WAC: variants seen among roughly 807,000 people sequenced by gnomAD.
WAC encodes WW domain containing adaptor with coiled-coil.
WAC carries 11 observed loss-of-function variants against 79.6 expected under a neutral mutation model. The observed-to-expected ratio is 0.14, with a 90% confidence interval of 0.09 to 0.23. WAC has a LOEUF of 0.23. Ranked by LOEUF, WAC falls within the 10% of genes least tolerant of loss-of-function variation. The probability of loss-of-function intolerance (pLI) is 1.00; values close to 1 mark genes in which losing one functional copy is unlikely to be tolerated. For synonymous variants in WAC, 304 were observed against 276.9 expected, an observed-to-expected ratio of 1.10 and a Z score of -0.97; for missense variants, 728 against 773.5, an observed-to-expected ratio of 0.94 and a Z score of 0.70.
At position 28,609,003 on chromosome 10, in the gene WAC, TAGTC is replaced by T. The variant is rs1477199907; in HGVS notation, c.1165+575_1165+578del. On this transcript the variant is annotated intron_variant, in intron 8 of 13. Transcript: ENST00000354911. Reference sequence around the variant, plus strand: ...AATGCTACTTACGTTTCAGAATATTTAGTCAGCCACTTTGAAAAAGTATGAATAA... The same window carrying T: ...AATGCTACTTACGTTTCAGAATATTTAGCCACTTTGAAAAAGTATGAATAA... Among the ~76,000 whole-genome samples, 8 of 152,336 alleles carry T rather than the reference TAGTC, an allele frequency of 5.3e-5. No homozygotes were observed. The East Asian group carries it at 5.8e-4, about 11-fold the overall frequency.
At chr10:28,553,118 T>C (rs2132435986) in intron 3 of WAC, among the ~76,000 whole-genome samples, 1 of 152,294 alleles carries the variant, frequency 6.6e-6, no homozygotes, top group South Asian at 2.1e-4. Context: ...TTCATCAGTA[T>C]ATAGAGAAGG....
At chr10:28,569,878 A>G (rs1054525812) in intron 3 of WAC, among the ~76,000 whole-genome samples, 2 of 152,206 alleles carry the variant, frequency 1.3e-5, no homozygotes, top group African/African-American at 4.8e-5. Flanking sequence ...GTGTGGCAAT[A>G]TGTACTTTCC....
chr10:28,602,792 G>T (rs1409358448), intron 7 of WAC, among the ~76,000 whole-genome samples: 1 of 152,158 alleles, frequency 6.6e-6, no homozygotes, highest in Non-Finnish European at 1.5e-5. Context: ...CTAGAAAGAG[G>T]TTATAGCAAC....
At chr10:28,593,287 C>T (rs1035535976) in intron 6 of WAC, among the ~76,000 whole-genome samples, 11 of 151,946 alleles carry the variant, frequency 7.2e-5, no homozygotes, top group African/African-American at 1.2e-4. Flanking sequence ...CCTTGTGTTT[C>T]GGTGTATTGG....
At chr10:28,559,042 C>T (rs1332404462) in intron 3 of WAC, among the ~76,000 whole-genome samples, 1 of 151,684 alleles carries the variant, frequency 6.6e-6, no homozygotes, top group African/African-American at 2.4e-5. Flanking sequence ...AGACACTTAA[C>T]GTAGTACGTA....
At chr10:28,547,102 A>G (rs1287591007) in intron 3 of WAC, among the ~76,000 whole-genome samples, 3 of 152,154 alleles carry the variant, frequency 2.0e-5, no homozygotes, top group Non-Finnish European at 4.4e-5. Flanking sequence ...TTTAATGAAT[A>G]ATTATGTAGT....
At chr10:28,594,404 T>C (rs1840249192) in intron 6 of WAC, among the ~76,000 whole-genome samples, 1 of 152,238 alleles carries the variant, frequency 6.6e-6, no homozygotes, top group African/African-American at 2.4e-5. Flanking sequence ...ACTTTTTAAA[T>C]TTTATGTTCA....
Position 28,616,222 on chromosome 10 carries a change from A to G in WAC, c.1606A>G (p.Asn536Asp). The change falls in exon 12 of 14, where the codon AAT becomes GAT. Residue 536 changes from asparagine to aspartate, a missense_variant. Around this residue, in one of 3 missense-constraint regions of WAC, gnomAD observed 648 missense variants for 661.5 expected, o/e 0.98. Coordinates refer to ENST00000354911, the MANE Select transcript of WAC (RefSeq NM_016628.5). ...PGPNHTSNSS[N>D]ASNATVVPQN... ...TCCCAATCATACTTCTAATAGTAGT[A>G]ATGCATCAAATGCAACAGTTGTACC... is the stretch of plus-strand genomic sequence containing the variant. 2 of 1,613,496 alleles carry G rather than the reference A, an allele frequency of 1.2e-6. No homozygotes were observed. The highest frequency in any genetic ancestry group is 1.7e-6 in the Non-Finnish European group (2 of 1,179,692).
chr10:28,599,944 T>G (rs1188660613), intron 7 of WAC, among the ~76,000 whole-genome samples: 4 of 152,138 alleles, frequency 2.6e-5, no homozygotes, highest in African/African-American at 9.7e-5. Context: ...AAATTGAATT[T>G]TATCAGTTGG....
chr10:28,585,168 C>T (rs1012636292), intron 4 of WAC, among the ~76,000 whole-genome samples: 3 of 152,226 alleles, frequency 2.0e-5, no homozygotes, highest in African/African-American at 7.2e-5. Flanking sequence ...TCAGGTAACA[C>T]ATACAGTAAT....
At chr10:28,534,130 C>A (rs966394236) in intron 2 of WAC, 96 bp downstream of exon 2, 2 of 1,239,286 alleles carry the variant, frequency 1.6e-6, no homozygotes, top group Admixed American at 2.7e-5. Context: ...CGATACAGGC[C>A]CTTCGGTGCA....
At chr10:28,596,089 TTTCTTC>T (rs1176069850) in intron 7 of WAC, 48 bp downstream of exon 7, 1 of 1,540,592 alleles carries the variant, frequency 6.5e-7, no homozygotes, top group African/African-American at 1.4e-5. Context: ...AGTTTCTAAG[TTTCTTC>T]TAAGTTTCTT....
At chr10:28,548,484 T>C (rs1837488679) in intron 3 of WAC, among the ~76,000 whole-genome samples, 1 of 152,198 alleles carries the variant, frequency 6.6e-6, no homozygotes, top group Non-Finnish European at 1.5e-5. Flanking sequence ...TGGCATCTTC[T>C]TTCAACCCCC....
At chr10:28,546,645 T>G (rs2080147957) in intron 3 of WAC, among the ~76,000 whole-genome samples, 1 of 152,338 alleles carries the variant, frequency 6.6e-6, no homozygotes, top group East Asian at 1.9e-4. Context: ...TGTGTAATTA[T>G]GAGAGTTCCT....
At chr10:28,585,514 A>G (rs1051202592) in intron 4 of WAC, among the ~76,000 whole-genome samples, 2 of 150,492 alleles carry the variant, frequency 1.3e-5, no homozygotes, top group Non-Finnish European at 3.0e-5. Flanking sequence ...TCGTCAAACT[A>G]TTTGTGATGG....
At chr10:28,534,385 G>A (rs1023307813) in intron 2 of WAC, 5 of 256,600 alleles carry the variant, frequency 1.9e-5, no homozygotes, top group Non-Finnish European at 3.7e-5. Flanking sequence ...ATTGTGTTGG[G>A]GGAACTGAAA....
At chr10:28,535,830 T>G (rs1836629273) in intron 3 of WAC, 73 bp downstream of exon 3, 3 of 1,302,472 alleles carry the variant, frequency 2.3e-6, no homozygotes, top group Non-Finnish European at 3.2e-6. Context: ...GGCAGTAGTA[T>G]TTCTAGCTTG....
chr10:28,554,316 A>G (rs1837863597), intron 3 of WAC, among the ~76,000 whole-genome samples: 1 of 152,250 alleles, frequency 6.6e-6, no homozygotes, highest in South Asian at 2.1e-4. Context: ...ACATGACTGT[A>G]CCTAAATGTG....
In WAC at chr10:28,590,706, T is replaced by C; in HGVS notation, c.498-14T>C. ...ATGTAATTTTTATATGTTTATCTTT[T>C]TTTTTATTTTTAGAGAACAGAGACA... On this transcript the variant is annotated splice_polypyrimidine_tract_variant and intron_variant, in intron 5 of 13. Transcript: ENST00000354911. 3 of 1,562,418 alleles carry C rather than the reference T, an allele frequency of 1.9e-6. No individual in the cohort carries two copies. Among genetic ancestry groups the C allele is most frequent in the Non-Finnish European group, 2.6e-6 (3 of 1,155,814 alleles).
Sources: allele counts gnomAD v4.1 joint callset (sites outside exome capture counted in the v4.1 genomes callset), GRCh38; gene constraint gnomAD v4.1.1; regional missense constraint gnomAD v4.1.1; transcripts MANE v1.5; gene names NCBI Gene and HGNC (gene_info 2026-07-23, HGNC 2026-07-21).